SAMD4A: variants seen among roughly 807,000 people sequenced by gnomAD.
SAMD4A encodes sterile alpha motif domain containing 4A, also known as protein Smaug homolog 1.
Under a neutral mutation model 81.3 loss-of-function variants are expected in SAMD4A, and 33 were observed. That is an observed-to-expected ratio of 0.41 (90% CI 0.31 to 0.54). SAMD4A has a LOEUF of 0.54. Ranked by LOEUF, SAMD4A falls within the 20% of genes least tolerant of loss-of-function variation. The pLI, the probability that SAMD4A is intolerant of heterozygous loss-of-function variation, is 0.37. For synonymous variants in SAMD4A, 389 were observed against 382.1 expected (o/e 1.02, Z -0.21); for missense variants, 854 against 951.1 (o/e 0.90, Z 1.34).
intron 2 of SAMD4A, among the ~76,000 whole-genome samples, chr14:54,590,661 AGTC>A (rs1178721152): frequency 6.6e-6 from 1 of 151,946 alleles, no homozygotes; most frequent in East Asian, 1.9e-4. Flanking sequence ...AGCTGTGCTG[AGTC>A]CTTCTAGGGA....
At chr14:54,741,250 G>C (rs1406843945) in intron 4 of SAMD4A, among the ~76,000 whole-genome samples, 1 of 152,158 alleles carries the variant, frequency 6.6e-6, no homozygotes, top group Non-Finnish European at 1.5e-5. Context: ...AGGTGGCCAA[G>C]AAAAAGAGAG....
chr14:54,736,941 A>G, intron 3 of SAMD4A, 83 bp from the exon 4 acceptor site: 1 of 1,478,396 alleles, frequency 6.8e-7, no homozygotes, highest in Non-Finnish European at 9.3e-7. Context: ...GGTATCTCTC[A>G]GGGTTAAGAG....
intron 2 of SAMD4A, among the ~76,000 whole-genome samples, chr14:54,574,557 G>A (rs1399707844): frequency 6.6e-6 from 1 of 152,176 alleles, no homozygotes; most frequent in Non-Finnish European, 1.5e-5. Flanking sequence ...ACCGTCATAA[G>A]TGATTGCTTG....
At chr14:54,655,457 C>G (rs1297798828) in intron 2 of SAMD4A, among the ~76,000 whole-genome samples, 1 of 152,116 alleles carries the variant, frequency 6.6e-6, no homozygotes, top group Non-Finnish European at 1.5e-5. Flanking sequence ...AGGAGCCGGG[C>G]GCAGTGGCTC....
chr14:54,764,623 T>C, intron 8 of SAMD4A, 83 bp downstream of exon 8: 1 of 916,118 alleles, frequency 1.1e-6, no homozygotes, highest in South Asian at 1.6e-5. Context: ...GTGATCATTT[T>C]AGCCTCCAAC....
chr14:54,624,938 A>G (rs11846170), intron 2 of SAMD4A, among the ~76,000 whole-genome samples: 3,577 of 152,322 alleles, frequency 0.023, 139 homozygotes, highest in African/African-American at 0.082. Context: ...TGTCACTAAT[A>G]GAAGTCTTTG....
intron 2 of SAMD4A, among the ~76,000 whole-genome samples, chr14:54,598,439 G>A (rs1183158638): frequency 1.3e-5 from 2 of 152,100 alleles, no homozygotes; most frequent in East Asian, 3.8e-4. Flanking sequence ...TTTAATAACT[G>A]TGTAATAGCT....
intron 4 of SAMD4A, among the ~76,000 whole-genome samples, chr14:54,741,682 C>T (rs113880437): frequency 1.7e-3 from 254 of 152,302 alleles, no homozygotes; most frequent in African/African-American, 5.8e-3. Context: ...GGGCAGGCAC[C>T]ATGAATGACC....
chr14:54,783,208 T>C lies in SAMD4A; in HGVS notation c.2045-1329T>C, dbSNP rs1247203720. ...ATTTCACAACTCTTAGCTGTCAGAG[T>C]TTCCTTCTACTTCTTCTACTTTCTC... On this transcript the variant is annotated intron_variant, in intron 11 of 12. Coordinates refer to ENST00000554335, the MANE Select transcript of SAMD4A (RefSeq NM_015589.6). Among the ~76,000 whole-genome samples, 3 of 150,668 alleles carry C rather than the reference T, an allele frequency of 2.0e-5. No individual in the cohort carries two copies. In the East Asian group the frequency reaches 5.8e-4, roughly 29 times the overall value.
intron 2 of SAMD4A, among the ~76,000 whole-genome samples, chr14:54,634,516 A>G (rs1374581587): frequency 1.3e-5 from 2 of 151,936 alleles, no homozygotes; most frequent in Middle Eastern, 3.2e-3. Flanking sequence ...GGAGTGTGCA[A>G]CCTAGATCCC....
intron 2 of SAMD4A, among the ~76,000 whole-genome samples, chr14:54,635,026 G>C (rs2034999505): frequency 6.6e-6 from 1 of 152,110 alleles, no homozygotes; most frequent in Non-Finnish European, 1.5e-5. Context: ...TTGAACCCAG[G>C]AACTTGTTTT....
intron 11 of SAMD4A, among the ~76,000 whole-genome samples, chr14:54,779,864 A>G (rs2038956525): frequency 6.6e-6 from 1 of 152,140 alleles, no homozygotes; most frequent in African/African-American, 2.4e-5. Flanking sequence ...TACGAGGTGT[A>G]ATACGCTCAC....
intron 7 of SAMD4A, among the ~76,000 whole-genome samples, chr14:54,762,895 C>T (rs2038440026): frequency 6.7e-6 from 1 of 149,952 alleles, no homozygotes; most frequent in Admixed American, 6.7e-5. Flanking sequence ...CGCTCTGTCA[C>T]GCAGGCTGGA....
chr14:54,687,690 C>T (rs1482456110), intron 2 of SAMD4A, among the ~76,000 whole-genome samples: 1 of 152,124 alleles, frequency 6.6e-6, no homozygotes, highest in African/African-American at 2.4e-5. Flanking sequence ...ACGGTGGCAC[C>T]AGGGCATTAC....
chr14:54,779,132 C>T (rs2038935988), intron 11 of SAMD4A, among the ~76,000 whole-genome samples: 1 of 152,176 alleles, frequency 6.6e-6, no homozygotes, highest in African/African-American at 2.4e-5. Flanking sequence ...TTCAGAGCCT[C>T]TTCTGCAGAT....
chr14:54,710,671 G>A (rs8020534), intron 3 of SAMD4A, among the ~76,000 whole-genome samples: 149,203 of 152,256 alleles, frequency 0.98, 73,195 homozygotes, highest in Middle Eastern at 1. Context: ...CCACAGGTAT[G>A]AGACCCTGCC....
At chr14:54,602,159 G>A (rs2034070156) in intron 2 of SAMD4A, among the ~76,000 whole-genome samples, 1 of 152,146 alleles carries the variant, frequency 6.6e-6, no homozygotes, top group Admixed American at 6.5e-5. Context: ...TTAGATAACT[G>A]TGGAATCAAT....
intron 2 of SAMD4A, among the ~76,000 whole-genome samples, chr14:54,688,610 C>T (rs2036344088): frequency 6.6e-6 from 1 of 152,220 alleles, no homozygotes; most frequent in Non-Finnish European, 1.5e-5. Flanking sequence ...GAATAGAAAA[C>T]TTGAGAGATC....
intron 2 of SAMD4A, among the ~76,000 whole-genome samples, chr14:54,591,931 C>T (rs2033787907): frequency 6.6e-6 from 1 of 152,106 alleles, no homozygotes. Flanking sequence ...ATATGTCTCA[C>T]CACTCTTCTC....
Sources: gnomAD v4.1 joint callset for allele counts (sites outside exome capture counted in the v4.1 genomes callset) on GRCh38, gnomAD v4.1.1 for gene constraint, MANE v1.5 for transcripts, NCBI Gene and HGNC (gene_info 2026-07-23, HGNC 2026-07-21) for gene names.